FXN: variants seen among roughly 807,000 people sequenced by gnomAD.
FXN encodes the protein frataxin.
A neutral mutation model predicts 22.4 loss-of-function variants in FXN; 14 were observed. The observed-to-expected ratio is 0.62, with a 90% CI of 0.41 to 0.98. FXN has a LOEUF of 0.98. Among genes scored for constraint, FXN ranks in the 50% least tolerant of loss-of-function variants. The probability of loss-of-function intolerance (pLI) is 0.00; values close to 1 mark genes in which losing one functional copy is unlikely to be tolerated. For missense variants in FXN, 267 were observed against 268.4 expected (o/e 0.99, Z 0.04); for synonymous variants, 120 against 114.1 (o/e 1.05, Z -0.33).
intron 4 of FXN, among the ~76,000 whole-genome samples, chr9:69,072,007 A>G (rs983844251): frequency 6.6e-6 from 1 of 152,218 alleles, no homozygotes; most frequent in Admixed American, 6.5e-5. Context: ...GTATCGTACC[A>G]TTTCATATCA....
At chr9:69,038,243 A>G (rs1161726981) in intron 1 of FXN, among the ~76,000 whole-genome samples, 2 of 152,174 alleles carry the variant, frequency 1.3e-5, no homozygotes, top group African/African-American at 4.8e-5. Flanking sequence ...TGGGGCCACC[A>G]TCCTGTTTAA....
intron 3 of FXN, among the ~76,000 whole-genome samples, chr9:69,062,348 C>T (rs923148331): frequency 1.3e-5 from 2 of 152,074 alleles, no homozygotes; most frequent in Admixed American, 6.6e-5. Context: ...TGGGCCCAAG[C>T]GATCCTCCCT....
rs1442987116 is a variant in FXN, at chr9:69,076,726, C to T, written c.*3964C>T. The T allele has an allele frequency of 9.1e-6, 9 of 985,288 alleles. No homozygotes were observed. The highest frequency in any genetic ancestry group is 9.6e-6 in the Non-Finnish European group (8 of 829,942). The allele number at this position is 985,288 out of a possible 1,614,324, so 61.0% of individuals were successfully genotyped here. The stretch of plus-strand genomic sequence containing the variant: ...AATCGCTTTACGCTTCCAAGGTACA[C>T]ACTAAGATGAAAGTAATTTTAGTCC... On this transcript the variant is annotated 3_prime_UTR_variant, in exon 5 of 5. Coordinates refer to ENST00000484259, the MANE Select transcript of FXN (RefSeq NM_000144.5).
In FXN at chr9:69,075,868, C is replaced by A; in HGVS notation, c.*3106C>A. 1.8e-6 allele frequency: 1 copy of A among 552,190 alleles called. No homozygotes were observed. Among genetic ancestry groups the A allele is most frequent in the Non-Finnish European group, 2.3e-6 (1 of 434,970 alleles). The allele number at this position is 552,190 out of a possible 1,614,324, so 34.2% of individuals were successfully genotyped here. The stretch of plus-strand genomic sequence containing the variant: ...CACAGGTGTGCACCTCCATAGCTGG[C>A]TAATTTGTGTATTTTTTGTAGAGAT... On this transcript the variant is annotated 3_prime_UTR_variant, in exon 5 of 5. Transcript: ENST00000484259.
chr9:69,059,545 G>A (rs1026957519), intron 3 of FXN, among the ~76,000 whole-genome samples: 60 of 147,212 alleles, frequency 4.1e-4, no homozygotes, highest in Admixed American at 3.5e-3. Flanking sequence ...GATTACAGGC[G>A]CGTGCCACTA....
rs371117763 is a variant in FXN, at chr9:69,045,114, C to A, written c.166-1271C>A. ...CTGCACCACTAGCCACATGTGGCCA[C>A]AGGATTCTCGAAACTGGTGGTGCAG... On this transcript the variant is annotated intron_variant, in intron 1 of 4. Coordinates refer to ENST00000484259, the MANE Select transcript of FXN (RefSeq NM_000144.5). 2.4e-4 allele frequency among the ~76,000 whole-genome samples: 36 copies of A among 152,258 alleles called. 1 individual carries two copies. The East Asian group carries it at 6.6e-3, about 28-fold the overall frequency.
At position 69,072,858 on chromosome 9, in the gene FXN, A is replaced by G; in HGVS notation, c.*96A>G. On this transcript the variant is annotated 3_prime_UTR_variant, in exon 5 of 5. Transcript: ENST00000484259. ...CTGTTTTTTGTTGTTGTTGTTGTTT[A>G]TTTTTTTTATTCCTGCTTTTGAGGA... 1.3e-6 allele frequency: 2 copies of G among 1,559,556 alleles called. No individual in the cohort carries two copies. Among genetic ancestry groups the G allele is most frequent in the South Asian group, 1.2e-5 (1 of 86,216 alleles).
intron 3 of FXN, among the ~76,000 whole-genome samples, chr9:69,059,242 G>T (rs1832020249): frequency 6.6e-6 from 1 of 152,024 alleles, no homozygotes; most frequent in Admixed American, 6.6e-5. Flanking sequence ...GAAGCCCTTA[G>T]ATCCGAACTC....
Position 69,077,512 on chromosome 9 carries a change from G to T in FXN, c.*4750G>T. 1 of 985,484 alleles carries T rather than the reference G, an allele frequency of 1.0e-6. No individual in the cohort carries two copies. Among genetic ancestry groups the T allele is most frequent in the South Asian group, 4.7e-5 (1 of 21,290 alleles). 61.0% of individuals were successfully genotyped at this position (985,484 alleles called of 1,614,324 possible). A position where few individuals can be genotyped will look rare whatever the true frequency, so the allele number is the denominator to read the frequency against. On this transcript the variant is annotated 3_prime_UTR_variant, in exon 5 of 5. Transcript: ENST00000484259. Reference sequence around the variant, plus strand: ...TGGCTCTCAAAGATTTTCTTCTCCTGTGGAAAGTCAGACCTCTGAGGCCCC... The same window carrying T: ...TGGCTCTCAAAGATTTTCTTCTCCTTTGGAAAGTCAGACCTCTGAGGCCCC...
chr9:69,050,384 A>G (rs1831829618), intron 2 of FXN, among the ~76,000 whole-genome samples: 1 of 152,174 alleles, frequency 6.6e-6, no homozygotes, highest in South Asian at 2.1e-4. Context: ...ACCTGGGTAC[A>G]CATTTCTGTT....
intron 1 of FXN, among the ~76,000 whole-genome samples, chr9:69,038,800 A>T (rs1587813993): frequency 6.6e-6 from 1 of 152,206 alleles, no homozygotes; most frequent in Non-Finnish European, 1.5e-5. Context: ...ATACAAAAAA[A>T]ATCAGTAATA....
intron 4 of FXN, among the ~76,000 whole-genome samples, chr9:69,068,866 A>T (rs1245687977): frequency 6.6e-6 from 1 of 152,192 alleles, no homozygotes; most frequent in African/African-American, 2.4e-5. Flanking sequence ...GTCAGGACCT[A>T]GGTTAGTTTC....
chr9:69,047,804 G>A (rs1453602420), intron 2 of FXN, among the ~76,000 whole-genome samples: 1 of 151,816 alleles, frequency 6.6e-6, no homozygotes, highest in Admixed American at 6.6e-5. Context: ...TGCAGCCTCC[G>A]CCTCCCGGGT....
intron 1 of FXN, among the ~76,000 whole-genome samples, chr9:69,037,065 G>C (rs996974565): frequency 3.3e-5 from 5 of 152,032 alleles, no homozygotes; most frequent in African/African-American, 9.7e-5. Context: ...CGTGTTATTT[G>C]GCCCACATTG....
chr9:69,076,142 T>A lies in FXN; in HGVS notation c.*3380T>A. ...TGAGGTGTGTAAAAGAGAACCTGGG[T>A]TTTTGAATCACAAATTTAGAATTTA... On this transcript the variant is annotated 3_prime_UTR_variant, in exon 5 of 5. Transcript: ENST00000484259. 1.0e-6 allele frequency: 1 copy of A among 985,144 alleles called. No homozygotes were observed. The highest frequency in any genetic ancestry group is 1.2e-6 in the Non-Finnish European group (1 of 829,706). 61.0% of individuals were successfully genotyped at this position (985,144 alleles called of 1,614,324 possible).
chr9:69,062,581 T>C (rs759128041), intron 3 of FXN, among the ~76,000 whole-genome samples: 3 of 152,194 alleles, frequency 2.0e-5, no homozygotes, highest in South Asian at 4.1e-4. Context: ...CAAATACTTA[T>C]GATTCCACTG....
chr9:69,035,824 GT>G lies in FXN; in HGVS notation c.43del (p.Ser15HisfsTer61). On this transcript the variant is annotated frameshift_variant, in exon 1 of 5. Coordinates refer to ENST00000484259, the MANE Select transcript of FXN (RefSeq NM_000144.5). LOFTEE classifies it high-confidence loss of function. The part of the protein sequence containing the change: ...GRRAVAGLLA[S>X]PSPAQAQTLT... ...GCCGCGCAGTAGCCGGCCTCCTGGC[GT>G]CACCCAGCCCAGCCCAGGCCCAGAC... The G allele has an allele frequency of 6.6e-7, 1 of 1,512,804 alleles. No individual in the cohort carries two copies. The highest frequency in any genetic ancestry group is 8.8e-7 in the Non-Finnish European group (1 of 1,137,446). The allele number at this position is 1,512,804 out of a possible 1,614,324, so 93.7% of individuals were successfully genotyped here. A position where few individuals can be genotyped will look rare whatever the true frequency, so the allele number is the denominator to read the frequency against.
Position 69,072,797 on chromosome 9 carries a change from C to G in FXN, c.*35C>G, listed in dbSNP as rs1160673966. 3 of 1,613,692 alleles carry G rather than the reference C, an allele frequency of 1.9e-6. No homozygotes were observed. The highest frequency in any genetic ancestry group is 2.5e-6 in the Non-Finnish European group (3 of 1,180,014). ...CCGTTTTAAGGACATTAAAAGCTAT[C>G]AGGCCAAGACCCCAGCTTCATTATG... On this transcript the variant is annotated 3_prime_UTR_variant, in exon 5 of 5. Coordinates refer to ENST00000484259, the MANE Select transcript of FXN (RefSeq NM_000144.5).
intron 4 of FXN, chr9:69,071,206 G>A (rs1306517295): frequency 3.9e-6 from 2 of 519,026 alleles, no homozygotes; most frequent in Non-Finnish European, 7.7e-6. Context: ...GGGCCAAGGG[G>A]ACGGTCCTTG....
Sources: allele counts gnomAD v4.1 joint callset (sites outside exome capture counted in the v4.1 genomes callset), GRCh38; gene constraint gnomAD v4.1.1; transcripts MANE v1.5; gene names NCBI Gene and HGNC (gene_info 2026-07-23, HGNC 2026-07-21).